Variants in SLC2A9 observed in about 807,000 individuals in gnomAD.
SLC2A9 encodes the protein solute carrier family 2 member 9, also known as solute carrier family 2, facilitated glucose transporter member 9.
SLC2A9 carries 39 observed loss-of-function variants against 50.6 expected under a neutral mutation model. The observed-to-expected ratio is 0.77, with a 90% CI of 0.60 to 1.01. The LOEUF is 1.01. Ranked by LOEUF, SLC2A9 falls within the 50% of genes least tolerant of loss-of-function variation. The pLI, the probability that SLC2A9 is intolerant of heterozygous loss-of-function variation, is 0.00. For synonymous variants in SLC2A9, 324 were observed against 276.9 expected (o/e 1.17, Z -1.69); for missense variants, 686 against 677.6 (o/e 1.01, Z -0.14).
rs368484282 is a variant in SLC2A9 at position 9,834,956 on chromosome 4, C to T, written c.1344G>A (p.Pro448=). ...TGEFFQQSQR[P]AAFIIAGTVN... ...CGGTGCCTGCAATGATGAAGGCAGC[C>T]GGCCGCTGAGATTGCTGGAAGAACT... is the stretch of plus-strand genomic sequence containing the variant. The change falls in exon 11 of 12, where the codon CCG becomes CCA. Residue 448 remains proline, a synonymous_variant. Transcript: ENST00000264784. The T allele has an allele frequency of 2.1e-5, 34 of 1,613,846 alleles. No individual in the cohort carries two copies. Among genetic ancestry groups the T allele is most frequent in the Middle Eastern group, 3.3e-4 (2 of 5,976 alleles).
intron 5 of SLC2A9, among the ~76,000 whole-genome samples, chr4:9,959,216 C>CTAAAAAAAAAA (rs1335644713): frequency 4.4e-5 from 4 of 91,488 alleles, no homozygotes; most frequent in Non-Finnish European, 8.0e-5. Flanking sequence ...CCAATCTCTA[C>CTAAAAAAAAAA]TAAAAAAAAA....
intron 10 of SLC2A9, among the ~76,000 whole-genome samples, chr4:9,851,984 C>T (rs994515504): frequency 6.6e-6 from 1 of 152,206 alleles, no homozygotes; most frequent in Non-Finnish European, 1.5e-5. Context: ...AAGCAAGCAA[C>T]TTGGAAAACA....
intron 1 of SLC2A9, among the ~76,000 whole-genome samples, chr4:10,036,889 G>T (rs879626506): frequency 1.3e-5 from 2 of 152,194 alleles, no homozygotes; most frequent in Admixed American, 1.3e-4. Flanking sequence ...TTCCACCCTG[G>T]TAAGTATCAG....
chr4:9,824,063 G>A (rs1221642454), downstream of SLC2A9, among the ~76,000 whole-genome samples: 2 of 152,178 alleles, frequency 1.3e-5, no homozygotes, highest in East Asian at 3.9e-4. Context: ...GAGAGGCAGA[G>A]TCTTTAAAAG....
At chr4:10,032,005 C>T (rs1299031195) in intron 1 of SLC2A9, among the ~76,000 whole-genome samples, 3 of 152,196 alleles carry the variant, frequency 2.0e-5, no homozygotes, top group Admixed American at 6.5e-5. Flanking sequence ...CTCATTCATG[C>T]GTTCACTTAT....
intron 8 of SLC2A9, among the ~76,000 whole-genome samples, chr4:9,893,787 CA>C (rs1738008016): frequency 6.6e-6 from 1 of 152,162 alleles, no homozygotes; most frequent in Admixed American, 6.5e-5. Context: ...CCAGAGATAT[CA>C]GGGGCTTAGA....
At position 10,017,059 on chromosome 4, in the gene SLC2A9, C is replaced by T. The variant is rs115267262; in HGVS notation, c.249+1916G>A. Among the ~76,000 whole-genome samples the T allele has an allele frequency of 3.9e-3, 601 of 152,340 alleles. 1 individual carries two copies. The highest frequency in any genetic ancestry group is 0.014 in the African/African-American group (574 of 41,554). On this transcript the variant is annotated intron_variant, in intron 2 of 11. Coordinates refer to ENST00000264784, the MANE Select transcript of SLC2A9 (RefSeq NM_020041.3). The stretch of plus-strand genomic sequence containing the variant: ...TCAGCTCCCCACCTCCCTTTGACAC[C>T]TGTGGAAATTCTACACATCCCTCAT...
At position 9,942,063 on chromosome 4, in the gene SLC2A9, G is replaced by A; in HGVS notation, c.682-18C>T. The stretch of plus-strand genomic sequence containing the variant: ...GTACTCTCCTGTGGGAGAAGGAGAT[G>A]CTGCTGAGTGCAGTGGCCTTTGGTC... On this transcript the variant is annotated intron_variant, in intron 5 of 11. Coordinates refer to ENST00000264784, the MANE Select transcript of SLC2A9 (RefSeq NM_020041.3). 1 of 1,613,800 alleles carries A rather than the reference G, an allele frequency of 6.2e-7. No individual in the cohort carries two copies. Among genetic ancestry groups the A allele is most frequent in the Non-Finnish European group, 8.5e-7 (1 of 1,179,816 alleles).
intron 2 of SLC2A9, among the ~76,000 whole-genome samples, chr4:10,012,789 G>C (rs923219979): frequency 2.0e-5 from 3 of 152,170 alleles, no homozygotes; most frequent in African/African-American, 2.4e-5. Flanking sequence ...GGAGAAGTTT[G>C]TGTAAATGGA....
chr4:9,797,554 C>G (rs187819836), downstream of SLC2A9, among the ~76,000 whole-genome samples: 8 of 152,350 alleles, frequency 5.3e-5, no homozygotes, highest in East Asian at 1.5e-3. Flanking sequence ...CATCTGTAAC[C>G]TAGACTTTCA....
At chr4:9,980,539 C>A in intron 5 of SLC2A9, 53 bp downstream of exon 5, 2 of 1,612,314 alleles carry the variant, frequency 1.2e-6, no homozygotes, top group African/African-American at 1.3e-5. Context: ...CTCCTTCCTG[C>A]AGTGGTAACA....
intron 10 of SLC2A9, among the ~76,000 whole-genome samples, chr4:9,869,851 T>C (rs993087302): frequency 6.6e-6 from 1 of 152,246 alleles, no homozygotes; most frequent in Non-Finnish European, 1.5e-5. Flanking sequence ...GGCTGAGTGG[T>C]GGCCCCACAA....
At chr4:9,874,958 G>A (rs1371589146) in intron 10 of SLC2A9, among the ~76,000 whole-genome samples, 1 of 139,934 alleles carries the variant, frequency 7.1e-6, no homozygotes, top group Non-Finnish European at 1.6e-5. Context: ...TGTCTAAGAT[G>A]GGATGCTGTG....
Position 9,996,892 on chromosome 4 carries a change from G to T in SLC2A9, c.299C>A (p.Pro100Gln). The change falls in exon 3 of 12, where the codon CCA becomes CAA. Residue 100 changes from proline to glutamine, a missense_variant. Pro to Gln is a moderately conservative substitution (Grantham distance 76, BLOSUM62 -1). Coordinates refer to ENST00000264784, the MANE Select transcript of SLC2A9 (RefSeq NM_020041.3). ...CAAAGTCAGAGTGTCTGGGTCTATTGGACGTCCATGCCTTCTTTCCCATGA... is the reference window on the plus strand; with the variant it reads ...CAAAGTCAGAGTGTCTGGGTCTATTTGACGTCCATGCCTTCTTTCCCATGA... Reference protein sequence around the residue: ...NESWERRHGRPIDPDTLTLLW... With the variant: ...NESWERRHGRQIDPDTLTLLW... 1.2e-6 allele frequency: 2 copies of T among 1,614,108 alleles called. No individual in the cohort carries two copies. The highest frequency in any genetic ancestry group is 1.7e-6 in the Non-Finnish European group (2 of 1,180,000).
intron 3 of SLC2A9, among the ~76,000 whole-genome samples, chr4:9,801,972 G>C (rs1721467980): frequency 6.6e-6 from 1 of 152,200 alleles, no homozygotes; most frequent in Non-Finnish European, 1.5e-5. Flanking sequence ...TGGACTCCCA[G>C]CTGATTGATT....
chr4:9,809,090 A>G (rs73223775), intron 3 of SLC2A9, among the ~76,000 whole-genome samples: 3,166 of 152,314 alleles, frequency 0.021, 83 homozygotes, highest in Non-Finnish European at 0.028. Flanking sequence ...CATTTTCTCG[A>G]CATGATGTGG....
intron 8 of SLC2A9, among the ~76,000 whole-genome samples, chr4:9,892,865 T>C (rs1737788427): frequency 1.3e-5 from 2 of 152,210 alleles, no homozygotes; most frequent in Admixed American, 6.5e-5. Flanking sequence ...TTAGTCTAGA[T>C]ACCAATAGCT....
chr4:9,817,545 T>C (rs954420117), intron 3 of SLC2A9, among the ~76,000 whole-genome samples: 1 of 152,244 alleles, frequency 6.6e-6, no homozygotes, highest in Non-Finnish European at 1.5e-5. Context: ...TTAACATACA[T>C]GCACAAACAC....
intron 7 of SLC2A9, among the ~76,000 whole-genome samples, chr4:9,916,140 G>C (rs1577873641): frequency 6.6e-6 from 1 of 152,172 alleles, no homozygotes; most frequent in African/African-American, 2.4e-5. Flanking sequence ...AGGCACTAAG[G>C]TGACAGCAGA....
Sources: gnomAD v4.1 joint callset for allele counts (sites outside exome capture counted in the v4.1 genomes callset) on GRCh38, gnomAD v4.1.1 for gene constraint, MANE v1.5 for transcripts, NCBI Gene and HGNC (gene_info 2026-07-23, HGNC 2026-07-21) for gene names.